Variants in DRD2 observed in about 807,000 individuals in gnomAD.
DRD2 encodes the protein dopamine receptor D2, also known as D(2) dopamine receptor.
DRD2 carries 8 observed loss-of-function variants against 38.0 expected under a neutral mutation model. The observed-to-expected ratio is 0.21, with a 90% CI of 0.12 to 0.38. The LOEUF (loss-of-function observed/expected upper bound fraction) is 0.38. Ranked by LOEUF, DRD2 falls within the 10% of genes least tolerant of loss-of-function variation. DRD2 has a pLI of 1.00. For missense variants in DRD2, 403 were observed against 607.7 expected, an observed-to-expected ratio of 0.66 and a Z score of 3.54; for synonymous variants, 230 against 238.6, an observed-to-expected ratio of 0.96 and a Z score of 0.33.
intron 1 of DRD2, among the ~76,000 whole-genome samples, chr11:113,470,763 C>G (rs1265296335): frequency 1.3e-5 from 2 of 152,178 alleles, no homozygotes; most frequent in Non-Finnish European, 2.9e-5. Context: ...TCCCAAATGC[C>G]CCTAGGAGTT....
intron 1 of DRD2, among the ~76,000 whole-genome samples, chr11:113,432,620 GA>G (rs1292465629): frequency 1.3e-5 from 2 of 152,190 alleles, no homozygotes; most frequent in African/African-American, 4.8e-5. Context: ...TGAAAAAGTA[GA>G]GGGGGAGAAG....
intron 1 of DRD2, among the ~76,000 whole-genome samples, chr11:113,429,662 C>A (rs772803274): frequency 1.6e-4 from 25 of 152,282 alleles, no homozygotes; most frequent in Non-Finnish European, 3.4e-4. Context: ...TGGCTCTCAC[C>A]ATGTAAACAT....
At chr11:113,447,852 C>T (rs1951167485) in intron 1 of DRD2, 1 of 152,238 alleles carries the variant, frequency 6.6e-6, no homozygotes. Flanking sequence ...GGCTTCCTCC[C>T]ACCAGTCCTA....
chr11:113,439,770 T>C (rs935824578), intron 1 of DRD2, among the ~76,000 whole-genome samples: 1 of 126,644 alleles, frequency 7.9e-6, no homozygotes, highest in Non-Finnish European at 1.5e-5. Context: ...ACCCGGAAGG[T>C]AGAGGTTGCA....
chr11:113,467,949 A>G (rs1293778519), intron 1 of DRD2, among the ~76,000 whole-genome samples: 1 of 152,250 alleles, frequency 6.6e-6, no homozygotes, highest in Non-Finnish European at 1.5e-5. Flanking sequence ...TGAACGTTTT[A>G]GAAACATGAT....
At chr11:113,467,622 G>C (rs1951382628) in intron 1 of DRD2, among the ~76,000 whole-genome samples, 1 of 152,192 alleles carries the variant, frequency 6.6e-6, no homozygotes, top group Non-Finnish European at 1.5e-5. Context: ...AATAAAAACT[G>C]GCCTGTGCCA....
chr11:113,452,469 TGCGCGC>T (rs150781651), intron 1 of DRD2, among the ~76,000 whole-genome samples: 2,623 of 118,734 alleles, frequency 0.022, 40 homozygotes, highest in Non-Finnish European at 0.028. Context: ...TGTGTGTGTG[TGCGCGC>T]GCGCGCGCGC....
intron 1 of DRD2, among the ~76,000 whole-genome samples, chr11:113,426,893 G>C (rs1950946137): frequency 6.6e-6 from 1 of 152,202 alleles, no homozygotes; most frequent in Admixed American, 6.5e-5. Flanking sequence ...TGTATGTATT[G>C]ATCAGGTGCC....
chr11:113,437,214 T>A (rs1951047087), intron 1 of DRD2, among the ~76,000 whole-genome samples: 1 of 152,116 alleles, frequency 6.6e-6, no homozygotes, highest in Admixed American at 6.5e-5. Context: ...TTAGATATGA[T>A]CCCCATGCTA....
At chr11:113,445,225 G>A (rs1385469559) in intron 1 of DRD2, among the ~76,000 whole-genome samples, 4 of 152,190 alleles carry the variant, frequency 2.6e-5, no homozygotes, top group African/African-American at 9.7e-5. Flanking sequence ...TCGATCCTGG[G>A]CCAGGAAAAG....
rs1214361929 is a variant in DRD2, at chr11:113,447,295, T to TA, written c.-31-22614dup. The stretch of plus-strand genomic sequence containing the variant: ...CTCCGTGATGTTGTTCTTTAAATCA[T>TA]AAAATCCTCTCCCCGCTCCTGTGCC... On this transcript the variant is annotated intron_variant, in intron 1 of 7. Coordinates refer to ENST00000362072, the MANE Select transcript of DRD2 (RefSeq NM_000795.4). Among the ~76,000 whole-genome samples the TA allele has an allele frequency of 2.0e-5, 3 of 152,144 alleles. No homozygotes were observed. The East Asian group carries it at 5.8e-4, about 29-fold the overall frequency.
At position 113,446,225 on chromosome 11, in the gene DRD2, A is replaced by G. The variant is rs145525872; in HGVS notation, c.-31-21543T>C. 2.7e-3 allele frequency among the ~76,000 whole-genome samples: 405 copies of G among 152,050 alleles called. No individual in the cohort carries two copies. In the Middle Eastern group the frequency reaches 0.027, roughly 10 times the overall value. ...GATCTGATACAGTCACCCCACCTCC[A>G]TGGATCCCACCCTAGTTCCCCAGGC... is the stretch of plus-strand genomic sequence containing the variant. On this transcript the variant is annotated intron_variant, in intron 1 of 7. Coordinates refer to ENST00000362072, the MANE Select transcript of DRD2 (RefSeq NM_000795.4).
intron 1 of DRD2, among the ~76,000 whole-genome samples, chr11:113,469,547 A>G (rs1448056801): frequency 6.6e-6 from 1 of 152,120 alleles, no homozygotes; most frequent in Admixed American, 6.5e-5. Flanking sequence ...CAAACCACTT[A>G]CCTTTCTAAG....
intron 1 of DRD2, among the ~76,000 whole-genome samples, chr11:113,448,302 G>A (rs779318417): frequency 3.9e-5 from 6 of 152,120 alleles, no homozygotes; most frequent in African/African-American, 9.7e-5. Context: ...TGGGGCAGCC[G>A]CTCCTTGGAA....
At chr11:113,414,086 A>G (rs1043879607) in intron 6 of DRD2, 1 of 454,982 alleles carries the variant, frequency 2.2e-6, no homozygotes, top group Non-Finnish European at 4.1e-6. Context: ...TGATGAGATA[A>G]TAGGGATATG....
In DRD2 at chr11:113,418,065, C is replaced by T. The variant is rs141811103; in HGVS notation, c.357G>A (p.Thr119=). The change falls in exon 3 of 8, where the codon ACG becomes ACA. Residue 119 remains threonine (T), a synonymous_variant. Transcript: ENST00000362072. Reference sequence around the variant, plus strand: ...TGGCACACAAGTTCAGGATGCTCGCCGTGCACATCATGACGTCCAGAGTGA... The same window carrying T: ...TGGCACACAAGTTCAGGATGCTCGCTGTGCACATCATGACGTCCAGAGTGA... ...IFVTLDVMMC[T]ASILNLCAIS... is the part of the protein sequence containing the mutation. 116 of 1,614,154 alleles carry T rather than the reference C, an allele frequency of 7.2e-5. No homozygotes were observed. The African/African-American group carries it at 1.1e-3, about 16-fold the overall frequency.
At chr11:113,471,589 T>C (rs1951426773) in intron 1 of DRD2, among the ~76,000 whole-genome samples, 1 of 152,190 alleles carries the variant, frequency 6.6e-6, no homozygotes, top group Non-Finnish European at 1.5e-5. Flanking sequence ...GGTTTCCGAG[T>C]GTTTCCTATA....
intron 2 of DRD2, among the ~76,000 whole-genome samples, chr11:113,418,434 C>A (rs1207334348): frequency 6.6e-6 from 1 of 152,150 alleles, no homozygotes; most frequent in Non-Finnish European, 1.5e-5. Context: ...CTTTGTTAAC[C>A]CCATGTGTTT....
At chr11:113,446,672 A>G (rs2119882083) in intron 1 of DRD2, among the ~76,000 whole-genome samples, 1 of 152,340 alleles carries the variant, frequency 6.6e-6, no homozygotes, top group East Asian at 1.9e-4. Context: ...GAAATAGTTT[A>G]CCCATGTTGC....
Sources: gnomAD v4.1 joint callset for allele counts (sites outside exome capture counted in the v4.1 genomes callset) on GRCh38, gnomAD v4.1.1 for gene constraint, MANE v1.5 for transcripts, NCBI Gene and HGNC (gene_info 2026-07-23, HGNC 2026-07-21) for gene names.